The following DYNC1I1 variants were observed in gnomAD, a reference collection of about 807,000 sequenced individuals.
DYNC1I1 encodes dynein cytoplasmic 1 intermediate chain 1.
Under a neutral mutation model 86.6 loss-of-function variants are expected in DYNC1I1, and 43 were observed. The ratio of observed to expected loss-of-function variants is 0.50; its 90% CI spans 0.39 to 0.64. DYNC1I1 has a LOEUF of 0.64. Ranked by LOEUF, DYNC1I1 falls within the 30% of genes least tolerant of loss-of-function variation. DYNC1I1 has a pLI of 0.00. For missense variants in DYNC1I1, 604 were observed against 788.8 expected, an observed-to-expected ratio of 0.77 and a Z score of 2.81; for synonymous variants, 262 against 283.7, an observed-to-expected ratio of 0.92 and a Z score of 0.77.
intron 16 of DYNC1I1, among the ~76,000 whole-genome samples, chr7:96,082,428 A>G (rs1050211356): frequency 6.6e-6 from 1 of 152,152 alleles, no homozygotes; most frequent in Non-Finnish European, 1.5e-5. Flanking sequence ...AAAATAGATA[A>G]AATTTAAAAA....
intron 16 of DYNC1I1, among the ~76,000 whole-genome samples, chr7:96,107,875 T>G (rs1563008012): frequency 6.7e-6 from 1 of 149,780 alleles, no homozygotes; most frequent in Non-Finnish European, 1.5e-5. Context: ...ACAGGTTTTT[T>G]TTTTTTTTTT....
intron 6 of DYNC1I1, among the ~76,000 whole-genome samples, chr7:95,941,917 C>G (rs1792235878): frequency 6.6e-6 from 1 of 152,144 alleles, no homozygotes; most frequent in South Asian, 2.1e-4. Context: ...GAGCTGTAGA[C>G]CGGAGCTGTT....
chr7:95,961,193 A>G (rs953354970), intron 6 of DYNC1I1, among the ~76,000 whole-genome samples: 14 of 152,124 alleles, frequency 9.2e-5, no homozygotes, highest in South Asian at 2.1e-4. Context: ...CTTGGTCTCT[A>G]TGACAATATT....
intron 16 of DYNC1I1, among the ~76,000 whole-genome samples, chr7:96,088,438 G>T (rs1207852628): frequency 1.3e-5 from 2 of 152,030 alleles, no homozygotes; most frequent in Non-Finnish European, 2.9e-5. Flanking sequence ...ATTCTTCTGT[G>T]GTTTCAAACT....
chr7:95,959,951 T>C (rs1792819934), intron 6 of DYNC1I1, among the ~76,000 whole-genome samples: 3 of 152,280 alleles, frequency 2.0e-5, no homozygotes, highest in African/African-American at 4.8e-5. Context: ...GGCAATTGCA[T>C]GTAGATTAAA....
chr7:95,806,143 CA>C (rs1241227915), intron 2 of DYNC1I1, among the ~76,000 whole-genome samples: 1 of 151,852 alleles, frequency 6.6e-6, no homozygotes, highest in East Asian at 1.9e-4. Flanking sequence ...CATGCAAAGT[CA>C]AAAAAAGCAT....
At chr7:95,963,399 C>T (rs1792924956) in intron 6 of DYNC1I1, among the ~76,000 whole-genome samples, 1 of 152,120 alleles carries the variant, frequency 6.6e-6, no homozygotes, top group African/African-American at 2.4e-5. Flanking sequence ...TAGCCTATGC[C>T]TTCAATATAC....
chr7:95,884,720 G>A (rs905745709), intron 6 of DYNC1I1, among the ~76,000 whole-genome samples: 1 of 151,304 alleles, frequency 6.6e-6, no homozygotes, highest in Non-Finnish European at 1.5e-5. Flanking sequence ...GATAGCTTGA[G>A]CCCAGGAGTT....
chr7:95,806,643 A>C (rs1326558522), intron 2 of DYNC1I1, among the ~76,000 whole-genome samples: 8 of 152,236 alleles, frequency 5.3e-5, no homozygotes, highest in Non-Finnish European at 1.2e-4. Flanking sequence ...CTACAGAGTC[A>C]GATGGCAATA....
chr7:95,947,161 G>T (rs1468268155), intron 6 of DYNC1I1, among the ~76,000 whole-genome samples: 1 of 152,220 alleles, frequency 6.6e-6, no homozygotes, highest in Non-Finnish European at 1.5e-5. Flanking sequence ...ATGAAGGACA[G>T]TTTGTGAAGA....
chr7:95,999,425 C>T (rs2115779357), intron 10 of DYNC1I1, among the ~76,000 whole-genome samples: 1 of 152,292 alleles, frequency 6.6e-6, no homozygotes, highest in East Asian at 1.9e-4. Context: ...CTGACAATCA[C>T]CTGAAACCCT....
intron 5 of DYNC1I1, among the ~76,000 whole-genome samples, chr7:95,858,659 T>C (rs568122939): frequency 5.0e-4 from 76 of 152,044 alleles, no homozygotes; most frequent in Non-Finnish European, 1.0e-3. Flanking sequence ...CACTAACTTA[T>C]AGGAATTTTT....
chr7:95,813,143 C>A, intron 3 of DYNC1I1, 104 bp from the exon 4 acceptor site: 1 of 1,592,952 alleles, frequency 6.3e-7, no homozygotes, highest in South Asian at 1.1e-5. Context: ...GCCATACAAC[C>A]ACTTTAATTT....
At chr7:95,956,177 A>G (rs1792704740) in intron 6 of DYNC1I1, among the ~76,000 whole-genome samples, 1 of 152,022 alleles carries the variant, frequency 6.6e-6, no homozygotes. Flanking sequence ...CCACATTTCA[A>G]TGCACTCAGC....
chr7:95,983,958 A>C (rs1793519048), intron 7 of DYNC1I1, among the ~76,000 whole-genome samples: 1 of 152,096 alleles, frequency 6.6e-6, no homozygotes, highest in African/African-American at 2.4e-5. Context: ...TCTGCCCTTG[A>C]TGGTTTTTTG....
chr7:96,023,858 C>T (rs781595680), intron 10 of DYNC1I1, among the ~76,000 whole-genome samples: 5 of 152,180 alleles, frequency 3.3e-5, no homozygotes, highest in Non-Finnish European at 5.9e-5. Flanking sequence ...CTGCTAAAAA[C>T]ATTGGAAACT....
At position 95,932,979 on chromosome 7, in the gene DYNC1I1, C is replaced by T. The variant is rs1791940696; in HGVS notation, c.491-44533C>T. ...CATTTCAGCCTTGAATTCCTGGGCT[C>T]AAGTGATCCTCCTGCCTCAGCTTCC... On this transcript the variant is annotated intron_variant, in intron 6 of 16. Transcript: ENST00000447467. 2.0e-5 allele frequency among the ~76,000 whole-genome samples: 3 copies of T among 149,934 alleles called. No individual in the cohort carries two copies. The South Asian group carries it at 6.3e-4, about 32-fold the overall frequency.
intron 6 of DYNC1I1, among the ~76,000 whole-genome samples, chr7:95,950,049 G>T (rs866884439): frequency 6.6e-6 from 1 of 151,226 alleles, no homozygotes; most frequent in East Asian, 1.9e-4. Context: ...ATTTTTAGAC[G>T]TATTCACTTT....
At chr7:96,092,411 G>A (rs762397197) in intron 16 of DYNC1I1, among the ~76,000 whole-genome samples, 82 of 152,250 alleles carry the variant, frequency 5.4e-4, no homozygotes, top group Non-Finnish European at 1.0e-3. Flanking sequence ...TCACACAAAT[G>A]AGGAAGTAAA....
Sources: gnomAD v4.1 joint callset for allele counts (sites outside exome capture counted in the v4.1 genomes callset) on GRCh38, gnomAD v4.1.1 for gene constraint, MANE v1.5 for transcripts, NCBI Gene and HGNC (gene_info 2026-07-23, HGNC 2026-07-21) for gene names.